Variants in COL14A1 observed in about 807,000 individuals in gnomAD.
COL14A1 encodes the protein collagen alpha-1(XIV) chain.
COL14A1 carries 136 observed loss-of-function variants against 230.3 expected under a neutral mutation model. That is an observed-to-expected ratio of 0.59 (90% CI 0.51 to 0.68). The LOEUF (loss-of-function observed/expected upper bound fraction) is 0.68, where lower values mean the gene tolerates loss of function less well. Ranked by LOEUF, COL14A1 falls within the 30% of genes least tolerant of loss-of-function variation. The pLI is 0.00. For synonymous variants in COL14A1, 792 were observed against 784.1 expected, an observed-to-expected ratio of 1.01 and a Z score of -0.17; for missense variants, 1,976 against 2,215.8, an observed-to-expected ratio of 0.89 and a Z score of 2.17.
At position 120,138,932 on chromosome 8, in the gene COL14A1, A is replaced by G. The variant is rs80091516; in HGVS notation, c.-37-8874A>G. ...AAGTAGATATGAACATATATATAAA[A>G]TGTGGAGTTGAGGAAGGCATCCTAG... On this transcript the variant is annotated intron_variant, in intron 1 of 47. Coordinates refer to ENST00000297848, the MANE Select transcript of COL14A1 (RefSeq NM_021110.4). 3.0e-3 allele frequency among the ~76,000 whole-genome samples: 454 copies of G among 152,312 alleles called. 4 individuals carry two copies. Among genetic ancestry groups the G allele is most frequent in the African/African-American group, 0.011 (440 of 41,572 alleles).
chr8:120,254,658 T>A (rs1819081162), intron 22 of COL14A1, among the ~76,000 whole-genome samples: 2 of 151,966 alleles, frequency 1.3e-5, no homozygotes. Context: ...ATCTGGTCTT[T>A]TTTCTATCAA....
chr8:120,347,418 A>T (rs889765336), intron 45 of COL14A1, among the ~76,000 whole-genome samples: 1 of 152,192 alleles, frequency 6.6e-6, no homozygotes, highest in African/African-American at 2.4e-5. Context: ...GGGAAAGGTG[A>T]TTTTAGTTGA....
intron 14 of COL14A1, among the ~76,000 whole-genome samples, chr8:120,218,067 A>C (rs1160083932): frequency 2.1e-5 from 3 of 140,806 alleles, no homozygotes; most frequent in Non-Finnish European, 3.1e-5. Flanking sequence ...TTATGTATCT[A>C]TATATAAATA....
chr8:120,339,708 T>A (rs1299730758), intron 42 of COL14A1, among the ~76,000 whole-genome samples: 1 of 152,042 alleles, frequency 6.6e-6, no homozygotes. Flanking sequence ...CACACCCATA[T>A]ATCCAACACT....
chr8:120,365,214 G>GA (rs1216628692), intron 45 of COL14A1, among the ~76,000 whole-genome samples: 2 of 152,116 alleles, frequency 1.3e-5, no homozygotes, highest in Non-Finnish European at 2.9e-5. Context: ...TTAGTCCCAA[G>GA]AATACTTTCC....
intron 5 of COL14A1, among the ~76,000 whole-genome samples, chr8:120,191,235 G>A (rs1816813772): frequency 6.9e-6 from 1 of 145,372 alleles, no homozygotes; most frequent in African/African-American, 2.6e-5. Context: ...AGAGATTCTG[G>A]TATGTTGTGT....
At chr8:120,322,503 C>A (rs548994895) in intron 40 of COL14A1, among the ~76,000 whole-genome samples, 3 of 152,222 alleles carry the variant, frequency 2.0e-5, no homozygotes, top group Non-Finnish European at 4.4e-5. Context: ...AGCTATTAAG[C>A]CTAGTATACA....
At chr8:120,362,380 TCA>T (rs1481530611) in intron 45 of COL14A1, among the ~76,000 whole-genome samples, 11 of 152,212 alleles carry the variant, frequency 7.2e-5, no homozygotes, top group African/African-American at 2.4e-4. Context: ...TGATACACTC[TCA>T]GGCACATTTT....
At chr8:120,199,035 G>A (rs558213644) in intron 7 of COL14A1, among the ~76,000 whole-genome samples, 51 of 152,156 alleles carry the variant, frequency 3.4e-4, no homozygotes, top group Admixed American at 1.7e-3. Flanking sequence ...AGAATATCAC[G>A]AACAAAATTG....
chr8:120,189,585 T>G (rs2130675356), intron 5 of COL14A1, among the ~76,000 whole-genome samples: 2 of 151,498 alleles, frequency 1.3e-5, no homozygotes, highest in African/African-American at 4.8e-5. Flanking sequence ...CTGCACCCAT[T>G]AACTTGTCAT....
intron 1 of COL14A1, among the ~76,000 whole-genome samples, chr8:120,144,947 T>TA (rs1011951870): frequency 5.9e-4 from 88 of 148,562 alleles, no homozygotes; most frequent in Non-Finnish European, 8.8e-4. Context: ...TTTCTGACCT[T>TA]AAAAAAAAAA....
In COL14A1 at chr8:120,310,026, A is replaced by G; in HGVS notation, c.4419A>G (p.Arg1473=). ...TTTGCCAGGGTGGTCCAGGACTCCG[A>G]GGACCAAAGGGCCAGCAAGGTGAAC... ...PAGPPGGPGL[R]GPKGQQGEPG... The change falls in exon 37 of 48, where the codon CGA becomes CGG. Residue 1473 remains arginine, a synonymous_variant. Transcript: ENST00000297848. The G allele has an allele frequency of 6.2e-7, 1 of 1,613,872 alleles. No individual in the cohort carries two copies. The highest frequency in any genetic ancestry group is 1.6e-4 in the Middle Eastern group (1 of 6,062).
intron 47 of COL14A1, chr8:120,370,193 A>G: frequency 1.3e-6 from 1 of 762,354 alleles, no homozygotes; most frequent in South Asian, 1.7e-5. Context: ...TGAACTTACT[A>G]GTTAATGGGT....
At chr8:120,129,805 C>A (rs180924026) in intron 1 of COL14A1, among the ~76,000 whole-genome samples, 3 of 152,146 alleles carry the variant, frequency 2.0e-5, no homozygotes, top group African/African-American at 7.2e-5. Flanking sequence ...TCATTAACTG[C>A]GAGCTGTACA....
Position 120,227,257 on chromosome 8 carries a change from A to T in COL14A1, c.2042A>T (p.Glu681Val). The stretch of plus-strand genomic sequence containing the variant: ...GAAGAGCAGGACTCACATGTTATTG[A>T]AGGCCTGGAGCCCGGTACGGAGTAT... ...LKEEQDSHVI[E>V]GLEPGTEYEV... Residue 681 changes from glutamate (E) to valine (V), a missense_variant, in exon 17 of 48, where the codon GAA becomes GTA. By Grantham distance (121) the Glu-to-Val change is moderately radical. Around this residue, in one of 3 missense-constraint regions of COL14A1, gnomAD observed 1,791 missense variants for 2,019.5 expected, o/e 0.89. Coordinates refer to ENST00000297848, the MANE Select transcript of COL14A1 (RefSeq NM_021110.4). 1 of 1,614,040 alleles carries T rather than the reference A, an allele frequency of 6.2e-7. No individual in the cohort carries two copies. The highest frequency in any genetic ancestry group is 8.5e-7 in the Non-Finnish European group (1 of 1,179,986).
intron 21 of COL14A1, 106 bp downstream of exon 21, chr8:120,247,841 T>A (rs1818812485): frequency 7.3e-7 from 1 of 1,376,954 alleles, no homozygotes. Context: ...TGTATTTTTT[T>A]AAAGAAGTAG....
At chr8:120,321,261 C>A (rs920977182) in intron 40 of COL14A1, among the ~76,000 whole-genome samples, 1 of 152,096 alleles carries the variant, frequency 6.6e-6, no homozygotes, top group Admixed American at 6.6e-5. Flanking sequence ...CACTTTACAC[C>A]TTTACCTGGA....
At chr8:120,197,077 A>T (rs954590520) in intron 6 of COL14A1, 131 bp downstream of exon 6, 2 of 760,250 alleles carry the variant, frequency 2.6e-6, no homozygotes, top group Non-Finnish European at 4.2e-6. Flanking sequence ...CCCCTAAAGT[A>T]CATGTTTGGA....
chr8:120,161,691 C>T (rs967878598), intron 3 of COL14A1, among the ~76,000 whole-genome samples: 2 of 152,068 alleles, frequency 1.3e-5, no homozygotes, highest in African/African-American at 4.8e-5. Flanking sequence ...GAGGCGGAGT[C>T]TCGGTCTGTC....
Sources: gnomAD v4.1 joint callset for allele counts (sites outside exome capture counted in the v4.1 genomes callset) on GRCh38, gnomAD v4.1.1 for gene constraint, gnomAD v4.1.1 regional missense constraint, MANE v1.5 for transcripts, NCBI Gene and HGNC (gene_info 2026-07-23, HGNC 2026-07-21) for gene names.